The following MRPL11 variants were observed in gnomAD, a reference collection of about 807,000 sequenced individuals.
MRPL11 encodes the protein large ribosomal subunit protein uL11m.
MRPL11 carries 21 observed loss-of-function variants against 19.1 expected under a neutral mutation model. The observed-to-expected ratio is 1.10, with a 90% CI of 0.78 to 1.58. MRPL11 has a LOEUF of 1.58. Among genes scored for constraint, MRPL11 ranks in the 40% most tolerant of loss-of-function variants. The probability of loss-of-function intolerance (pLI) is 0.00; values close to 1 mark genes in which losing one functional copy is unlikely to be tolerated. For synonymous variants in MRPL11, 108 were observed against 99.7 expected, an observed-to-expected ratio of 1.08 and a Z score of -0.49; for missense variants, 242 against 243.9, an observed-to-expected ratio of 0.99 and a Z score of 0.05.
At chr11:66,437,508 G>T in intron 2 of MRPL11, 65 bp from the exon 3 acceptor site, 1 of 1,447,444 alleles carries the variant, frequency 6.9e-7, no homozygotes, top group Non-Finnish European at 9.6e-7. Context: ...AACTTCTAAT[G>T]TCTTGCCCCC....
At chr11:66,436,783 A>G in intron 4 of MRPL11, 1 of 1,534,328 alleles carries the variant, frequency 6.5e-7, no homozygotes, top group Non-Finnish European at 9.0e-7. Context: ...AGTCCTTCGC[A>G]CTGGTCCTTC....
At chr11:66,437,567 A>C in intron 2 of MRPL11, 124 bp from the exon 3 acceptor site, 1 of 855,116 alleles carries the variant, frequency 1.2e-6, no homozygotes, top group Non-Finnish European at 1.8e-6. Flanking sequence ...AAGACCACAG[A>C]ATCACAAGAA....
At chr11:66,437,800 G>C (rs1857015679) in intron 2 of MRPL11, among the ~76,000 whole-genome samples, 1 of 152,120 alleles carries the variant, frequency 6.6e-6, no homozygotes, top group Non-Finnish European at 1.5e-5. Context: ...CTTGAACCCG[G>C]GAGGAGGAGA....
chr11:66,438,751 A>G lies in MRPL11; in HGVS notation c.4T>C (p.Ser2Pro). ...CCCCGGGCGGCCCGGCCGAGCTTTG[A>G]CATGATGCGGGGCTGCTGGCTTCAG... Reference protein sequence around the residue: MSKLGRAARGLR... With the variant: MPKLGRAARGLR... Residue 2 changes from serine (S) to proline (P), a missense_variant, in exon 1 of 5, where the codon TCA (serine) becomes CCA (proline). Ser to Pro is a moderately conservative substitution (Grantham distance 74). Transcript: ENST00000310999. 1 of 1,561,390 alleles carries G rather than the reference A, an allele frequency of 6.4e-7. No homozygotes were observed. Among genetic ancestry groups the G allele is most frequent in the Non-Finnish European group, 8.7e-7 (1 of 1,154,150 alleles).
chr11:66,436,228 G>A (rs1856966211), intron 4 of MRPL11, 116 bp from the exon 5 acceptor site: 1 of 760,190 alleles, frequency 1.3e-6, no homozygotes, highest in East Asian at 2.7e-5. Flanking sequence ...CAGCTTGCCT[G>A]GCCCCTTCTG....
chr11:66,438,254 G>C lies in MRPL11; in HGVS notation c.129C>G (p.Gly43=). 2 of 1,612,858 alleles carry C rather than the reference G, an allele frequency of 1.2e-6. No individual in the cohort carries two copies. Among genetic ancestry groups the C allele is most frequent in the Admixed American group, 3.3e-5 (2 of 60,026 alleles). Residue 43 remains glycine (G), a synonymous_variant, in exon 2 of 5, where the codon GGC becomes GGG. Coordinates refer to ENST00000310999, the MANE Select transcript of MRPL11 (RefSeq NM_016050.5). ...PPLGPVLGQR[G]VSINQFCKEF... is the part of the protein sequence containing the mutation. ...CCTTGCAAAACTGGTTGATGGAAAC[G>C]CCTCTCTGTGAGGGAAGCAGAGGGG...
chr11:66,437,082 C>A (rs952090921), intron 4 of MRPL11, 22 bp downstream of exon 4: 3 of 1,610,736 alleles, frequency 1.9e-6, no homozygotes, highest in East Asian at 4.5e-5. Flanking sequence ...TCTCGTCACA[C>A]TGCACATGCC....
At chr11:66,437,631 G>A (rs1323317136) in intron 2 of MRPL11, among the ~76,000 whole-genome samples, 188 bp from the exon 3 acceptor site, 1 of 152,156 alleles carries the variant, frequency 6.6e-6, no homozygotes, top group Non-Finnish European at 1.5e-5. Context: ...CCAGCACTTT[G>A]GGAGGAAAAG....
chr11:66,435,829 G>T lies in MRPL11; in HGVS notation c.*178C>A. On this transcript the variant is annotated 3_prime_UTR_variant, in exon 5 of 5. Transcript: ENST00000310999. Reference sequence around the variant, plus strand: ...TCCCTGAGGTCCCAAGATAGAAGATGACAGTGGGTAAGAAAGGATGTTTAT... The same window carrying T: ...TCCCTGAGGTCCCAAGATAGAAGATTACAGTGGGTAAGAAAGGATGTTTAT... The T allele has an allele frequency of 1.7e-6, 1 of 578,008 alleles. No homozygotes were observed. Among genetic ancestry groups the T allele is most frequent in the Non-Finnish European group, 3.1e-6 (1 of 319,064 alleles). 35.8% of individuals were successfully genotyped at this position (578,008 alleles called of 1,614,324 possible).
In MRPL11 at chr11:66,437,174, C is replaced by T. The variant is rs796599267; in HGVS notation, c.403G>A (p.Val135Ile). The T allele has an allele frequency of 5.6e-6, 9 of 1,614,250 alleles. No individual in the cohort carries two copies. In the Admixed American group the frequency reaches 6.7e-5, roughly 12 times the overall value. The change falls in exon 4 of 5, where the codon GTA (valine) becomes ATA (isoleucine). Residue 135 changes from valine (V) to isoleucine (I), a missense_variant. By Grantham distance (29) the Val-to-Ile change is conservative. Coordinates refer to ENST00000310999, the MANE Select transcript of MRPL11 (RefSeq NM_016050.5). ...AQDEAFALQD[V>I]PLSSVVRSII... Reference sequence around the variant, plus strand: ...GAGCGGACAACAGACGACAGGGGTACATCCTGCAGGGCAAATGCCTCATCC... The same window carrying T: ...GAGCGGACAACAGACGACAGGGGTATATCCTGCAGGGCAAATGCCTCATCC...
intron 4 of MRPL11, 54 bp downstream of exon 4, chr11:66,437,050 G>A (rs1856986518): frequency 1.8e-5 from 27 of 1,466,212 alleles, no homozygotes; most frequent in South Asian, 9.1e-5. Flanking sequence ...AGCTCTGCCC[G>A]AGTCCAGAGC....
rs370139667 is a variant in MRPL11 at position 66,436,141 on chromosome 11, C to T, written c.474-29G>A. On this transcript the variant is annotated intron_variant, in intron 4 of 4. Transcript: ENST00000310999. The stretch of plus-strand genomic sequence containing the variant: ...CAAGTGAAAAAAGACAAATGGTTGG[C>T]GCATGATTGGTCACCAGTGGGAGCT... 1.6e-4 allele frequency: 261 copies of T among 1,593,022 alleles called. 1 individual carries two copies. The highest frequency in any genetic ancestry group is 6.2e-4 in the South Asian group (56 of 89,916).
Position 66,438,832 on chromosome 11 carries a change from AG to A in MRPL11, c.-79del. ...TCTGGGCGCCACCATCTTGGGCCAG[AG>A]GTCAAGGGTCCTCACGTTAGGCTAG... On this transcript the variant is annotated 5_prime_UTR_variant, in exon 1 of 5. Coordinates refer to ENST00000310999, the MANE Select transcript of MRPL11 (RefSeq NM_016050.5). 1.5e-6 allele frequency: 2 copies of A among 1,358,010 alleles called. No homozygotes were observed. The allele number at this position is 1,358,010 out of a possible 1,614,324, so 84.1% of individuals were successfully genotyped here.
At chr11:66,436,814 G>A in intron 4 of MRPL11, 1 of 1,610,680 alleles carries the variant, frequency 6.2e-7, no homozygotes, top group East Asian at 2.2e-5. Flanking sequence ...TTCTCCACTT[G>A]CCTCTAGGAC....
In MRPL11 at chr11:66,438,625, G is replaced by T; in HGVS notation, c.123+7C>A. On this transcript the variant is annotated splice_region_variant and intron_variant, in intron 1 of 4. Transcript: ENST00000310999. ...ACCCCCACGTCGGGTTCCCGCCACG[G>T]CCGCACCTGACCCAGCACTGGGCCT... 6.6e-7 allele frequency: 1 copy of T among 1,504,194 alleles called. No individual in the cohort carries two copies. The allele number at this position is 1,504,194 out of a possible 1,614,324, so 93.2% of individuals were successfully genotyped here. A position where few individuals can be genotyped will look rare whatever the true frequency, so the allele number is the denominator to read the frequency against.
chr11:66,437,828 C>A (rs1286538029), intron 2 of MRPL11, among the ~76,000 whole-genome samples: 1 of 152,014 alleles, frequency 6.6e-6, no homozygotes, highest in Non-Finnish European at 1.5e-5. Flanking sequence ...GAGCGGAGAT[C>A]GTGCCACTGC....
In MRPL11 at chr11:66,435,398, G is replaced by C. The variant is rs868542594; in HGVS notation, c.*609C>G. On this transcript the variant is annotated 3_prime_UTR_variant, in exon 5 of 5. Coordinates refer to ENST00000310999, the MANE Select transcript of MRPL11 (RefSeq NM_016050.5). ...GGTCAGGAGCTTAGTAGAAGGGCCT[G>C]AAGTAGCCCCTGGGATCTGGGTACT... 1 of 152,350 alleles carries C rather than the reference G, an allele frequency of 6.6e-6. No homozygotes were observed. The highest frequency in any genetic ancestry group is 1.5e-5 in the Non-Finnish European group (1 of 68,148). 9.4% of individuals were successfully genotyped at this position (152,350 alleles called of 1,614,324 possible). A position where few individuals can be genotyped will look rare whatever the true frequency, so the allele number is the denominator to read the frequency against.
In MRPL11 at chr11:66,435,190, A is replaced by C. The variant is rs944256154; in HGVS notation, c.*817T>G. On this transcript the variant is annotated 3_prime_UTR_variant, in exon 5 of 5. Coordinates refer to ENST00000310999, the MANE Select transcript of MRPL11 (RefSeq NM_016050.5). ...ACATAACAGATGGTCAGTAAATGCG[A>C]ATCTCCTTTCTCCCCCAACTCCTGC... 1 of 152,248 alleles carries C rather than the reference A, an allele frequency of 6.6e-6. No individual in the cohort carries two copies. Among genetic ancestry groups the C allele is most frequent in the Admixed American group, 6.5e-5 (1 of 15,280 alleles). 9.4% of individuals were successfully genotyped at this position (152,248 alleles called of 1,614,324 possible). A position where few individuals can be genotyped will look rare whatever the true frequency, so the allele number is the denominator to read the frequency against.
At chr11:66,436,261 A>G (rs1410687456) in intron 4 of MRPL11, 149 bp from the exon 5 acceptor site, 1 of 622,606 alleles carries the variant, frequency 1.6e-6, no homozygotes, top group Non-Finnish European at 2.9e-6. Context: ...CCCAGCCTCC[A>G]TACCTTTGCT....
Sources: allele counts gnomAD v4.1 joint callset (sites outside exome capture counted in the v4.1 genomes callset), GRCh38; gene constraint gnomAD v4.1.1; transcripts MANE v1.5; gene names NCBI Gene and HGNC (gene_info 2026-07-23, HGNC 2026-07-21).